TNFAIP2: variants seen among roughly 807,000 people sequenced by gnomAD.
The protein encoded by TNFAIP2 is TNF alpha induced protein 2, also known as tumor necrosis factor alpha-induced protein 2.
A neutral mutation model predicts 63.5 loss-of-function variants in TNFAIP2; 47 were observed. That is an observed-to-expected ratio of 0.74 (90% CI 0.59 to 0.94). TNFAIP2 has a LOEUF of 0.94. Among genes scored for constraint, TNFAIP2 ranks in the 40% least tolerant of loss-of-function variants. The pLI, the probability that TNFAIP2 is intolerant of heterozygous loss-of-function variation, is 0.00. For missense variants in TNFAIP2, 787 were observed against 850.2 expected, an observed-to-expected ratio of 0.93 and a Z score of 0.92; for synonymous variants, 405 against 390.2, an observed-to-expected ratio of 1.04 and a Z score of -0.45.
Position 103,130,113 on chromosome 14 carries a change from G to A in TNFAIP2, c.1087G>A (p.Asp363Asn), listed in dbSNP as rs748469895. The A allele has an allele frequency of 8.7e-6, 14 of 1,612,878 alleles. No individual in the cohort carries two copies. Among genetic ancestry groups the A allele is most frequent in the Admixed American group, 3.3e-5 (2 of 59,932 alleles). The change falls in exon 5 of 12, where the codon GAC (aspartate) becomes AAC (asparagine). Residue 363 changes from aspartate to asparagine, a missense_variant. Transcript: ENST00000560869. ...DGHCHSELAI[D>N]IIQITSQAQA... Reference sequence around the variant, plus strand: ...CCACTGCCACAGCGAGCTGGCCATCGACATCATCCAGGTACTGCAATCTGC... The same window carrying A: ...CCACTGCCACAGCGAGCTGGCCATCAACATCATCCAGGTACTGCAATCTGC...
chr14:103,132,592 T>A, intron 8 of TNFAIP2, 158 bp from the exon 9 acceptor site: 1 of 1,056,538 alleles, frequency 9.5e-7, no homozygotes. Flanking sequence ...AGCAGGGACC[T>A]GAGGTTGGCC....
At chr14:103,129,608 G>A (rs1239825872) in intron 3 of TNFAIP2, 132 bp from the exon 4 acceptor site, 13 of 710,260 alleles carry the variant, frequency 1.8e-5, no homozygotes, top group East Asian at 5.4e-5. Flanking sequence ...AATGGGGACC[G>A]GGTGGGGGTG....
rs1211741520 is a variant in TNFAIP2, at chr14:103,127,549, C to A, written c.780C>A (p.His260Gln). Reference protein sequence around the residue: ...AESYHQHFAAHLAAVAQFELC... With the variant: ...AESYHQHFAAQLAAVAQFELC... Reference sequence around the variant, plus strand: ...GCTACCACCAGCACTTCGCGGCCCACCTGGCCGCCGTGGCGCAGTTCGAGC... The same window carrying A: ...GCTACCACCAGCACTTCGCGGCCCAACTGGCCGCCGTGGCGCAGTTCGAGC... Residue 260 changes from histidine to glutamine, a missense_variant, in exon 3 of 12, where the codon CAC becomes CAA. His to Gln is a conservative substitution (Grantham distance 24). Transcript: ENST00000560869. This position sits in a 1 kb window ranked among gnomAD's most constrained non-coding sequence, Gnocchi z 5.1. The A allele has an allele frequency of 6.3e-7, 1 of 1,585,350 alleles. No homozygotes were observed.
At chr14:103,134,292 T>G (rs1231426877) in intron 11 of TNFAIP2, among the ~76,000 whole-genome samples, 1 of 152,216 alleles carries the variant, frequency 6.6e-6, no homozygotes, top group Non-Finnish European at 1.5e-5. Context: ...GAATGGGTCT[T>G]GACAGGGTTG....
intron 6 of TNFAIP2, among the ~76,000 whole-genome samples, 168 bp downstream of exon 6, chr14:103,130,583 G>A (rs2087952893): frequency 1.3e-5 from 2 of 152,304 alleles, no homozygotes; most frequent in Admixed American, 1.3e-4. Flanking sequence ...GAGAGCCTCA[G>A]GTGGTCTGAC....
Position 103,130,382 on chromosome 14 carries a change from T to C in TNFAIP2, c.1166T>C (p.Val389Ala), listed in dbSNP as rs971075944. ...GACTTGGGCTCACAGATAAAGCGGG[T>C]GCTGCTGGTGGAGCTGCCTGCGTTC... ...TLDLGSQIKR[V>A]LLVELPAFLR... is the part of the protein sequence containing the mutation. The change falls in exon 6 of 12, where the codon GTG becomes GCG. Residue 389 changes from valine (V) to alanine (A), a missense_variant. Physicochemically the swap from Val to Ala is moderately conservative, Grantham distance 64. Coordinates refer to ENST00000560869, the MANE Select transcript of TNFAIP2 (RefSeq NM_006291.4). 9 of 1,568,250 alleles carry C rather than the reference T, an allele frequency of 5.7e-6. No homozygotes were observed. The highest frequency in any genetic ancestry group is 7.8e-6 in the Non-Finnish European group (9 of 1,156,308).
At chr14:103,122,532 G>C, upstream of TNFAIP2, 1 of 391,138 alleles carries the variant, frequency 2.6e-6, no homozygotes, top group South Asian at 1.8e-5. Flanking sequence ...GGAAGGAAGT[G>C]AATCTCCAGT....
chr14:103,130,006 A>C lies in TNFAIP2; in HGVS notation c.980A>C (p.Asn327Thr), dbSNP rs772796534. 1.9e-6 allele frequency: 3 copies of C among 1,611,916 alleles called. No homozygotes were observed. Among genetic ancestry groups the C allele is most frequent in the East Asian group, 2.2e-5 (1 of 44,872 alleles). ...EATFLSSEAA[N>T]VRELMDRALE... is the part of the protein sequence containing the mutation. ...GACCTGCCCCTCCTCCTCCAGGCCAATGTGAGGGAGTTGATGGACCGAGCT... is the reference window on the plus strand; with the variant it reads ...GACCTGCCCCTCCTCCTCCAGGCCACTGTGAGGGAGTTGATGGACCGAGCT... Residue 327 changes from asparagine (N) to threonine (T), a missense_variant, in exon 5 of 12, where the codon AAT becomes ACT. Coordinates refer to ENST00000560869, the MANE Select transcript of TNFAIP2 (RefSeq NM_006291.4).
rs113283678 is a variant in TNFAIP2 at position 103,130,278 on chromosome 14, C to T, written c.1099-37C>T. 138 of 1,537,010 alleles carry T rather than the reference C, an allele frequency of 9.0e-5. 2 individuals carry two copies. The highest frequency in any genetic ancestry group is 6.2e-4 in the African/African-American group (45 of 73,134). On this transcript the variant is annotated intron_variant, in intron 5 of 11. Coordinates refer to ENST00000560869, the MANE Select transcript of TNFAIP2 (RefSeq NM_006291.4). ...CCCGTCCCCTGCCCCCTTGTCCAGG[C>T]GAGCCCCTGCTCAGCTCACCCACCA...
intron 9 of TNFAIP2, 98 bp downstream of exon 9, chr14:103,132,970 A>T: frequency 6.5e-7 from 1 of 1,534,696 alleles, no homozygotes; most frequent in Non-Finnish European, 8.9e-7. Flanking sequence ...ACATGTGCTC[A>T]CACGCGCACA....
At position 103,131,032 on chromosome 14, in the gene TNFAIP2, G is replaced by A. The variant is rs576713527; in HGVS notation, c.1200-20G>A. 1 of 1,613,420 alleles carries A rather than the reference G, an allele frequency of 6.2e-7. No individual in the cohort carries two copies. Among genetic ancestry groups the A allele is most frequent in the South Asian group, 1.1e-5 (1 of 91,074 alleles). ...CAGTGTTTGGGCTGGTCCTGAATGTGCCCCTTCTGGTTTCGCCAGCTACCA... is the reference window on the plus strand; with the variant it reads ...CAGTGTTTGGGCTGGTCCTGAATGTACCCCTTCTGGTTTCGCCAGCTACCA... On this transcript the variant is annotated intron_variant, in intron 6 of 11. Transcript: ENST00000560869. The surrounding 1 kb of genome is among the most constrained non-coding windows in gnomAD (Gnocchi z 4.0).
Position 103,135,618 on chromosome 14 carries a change from G to C in TNFAIP2, c.*258G>C. The C allele has an allele frequency of 1.5e-6, 2 of 1,370,264 alleles. No individual in the cohort carries two copies. The highest frequency in any genetic ancestry group is 1.9e-6 in the Non-Finnish European group (2 of 1,059,182). 84.9% of individuals were successfully genotyped at this position (1,370,264 alleles called of 1,614,324 possible). ...GCAACACCAAGGACTCTTTGTAAACGATAGCTGATCGTGTGCACGCAAGGA... is the reference window on the plus strand; with the variant it reads ...GCAACACCAAGGACTCTTTGTAAACCATAGCTGATCGTGTGCACGCAAGGA... On this transcript the variant is annotated 3_prime_UTR_variant, in exon 12 of 12. Transcript: ENST00000560869. The surrounding 1 kb of genome is among the most constrained non-coding windows in gnomAD (Gnocchi z 7.6).
At chr14:103,134,848 A>T (rs2088063077) in intron 11 of TNFAIP2, among the ~76,000 whole-genome samples, 1 of 152,230 alleles carries the variant, frequency 6.6e-6, no homozygotes, top group Non-Finnish European at 1.5e-5. Flanking sequence ...AGGCAAAGAA[A>T]CAGACAATTA....
chr14:103,121,658 A>G (rs1233683948), upstream of TNFAIP2, among the ~76,000 whole-genome samples: 1 of 152,204 alleles, frequency 6.6e-6, no homozygotes, highest in Non-Finnish European at 1.5e-5. Flanking sequence ...TGGTGCAGAC[A>G]CAAGTCCAAG....
chr14:103,125,347 C>T (rs904079113), intron 1 of TNFAIP2, among the ~76,000 whole-genome samples: 2 of 152,146 alleles, frequency 1.3e-5, no homozygotes, highest in Admixed American at 1.3e-4. Context: ...CGGGTCTTGC[C>T]TCTCTGGATG....
Position 103,135,210 on chromosome 14 carries a change from CTT to C in TNFAIP2, c.1824-7_1824-6del. The C allele has an allele frequency of 6.2e-7, 1 of 1,613,746 alleles. No homozygotes were observed. Among genetic ancestry groups the C allele is most frequent in the Non-Finnish European group, 8.5e-7 (1 of 1,180,004 alleles). ...ACAGGCTGGGCTGACAGGATGCTCT[CTT>C]TGCCAGCAAAGGCCACCTGAGCGCT... On this transcript the variant is annotated splice_region_variant and splice_polypyrimidine_tract_variant and intron_variant, in intron 11 of 11. Transcript: ENST00000560869. This position sits in a 1 kb window ranked among gnomAD's most constrained non-coding sequence, Gnocchi z 7.6.
chr14:103,130,096 A>C lies in TNFAIP2; in HGVS notation c.1070A>C (p.His357Pro), dbSNP rs1595281530. 3.1e-6 allele frequency: 5 copies of C among 1,613,440 alleles called. No individual in the cohort carries two copies. The highest frequency in any genetic ancestry group is 4.2e-6 in the Non-Finnish European group (5 of 1,179,846). Residue 357 changes from histidine (H) to proline (P), a missense_variant, in exon 5 of 12, where the codon CAC becomes CCC. Physicochemically the swap from His to Pro is moderately conservative, Grantham distance 77. Coordinates refer to ENST00000560869, the MANE Select transcript of TNFAIP2 (RefSeq NM_006291.4). Reference protein sequence around the residue: ...VPPQRLDGHCHSELAIDIIQI... With the variant: ...VPPQRLDGHCPSELAIDIIQI... The stretch of plus-strand genomic sequence containing the variant: ...CCCCAGAGGCTGGACGGCCACTGCC[A>C]CAGCGAGCTGGCCATCGACATCATC...
chr14:103,122,998 C>T, upstream of TNFAIP2: 1 of 350,182 alleles, frequency 2.9e-6, no homozygotes, highest in South Asian at 2.1e-5. Context: ...AGCCCCCGTC[C>T]CCTGCCTCCT....
At chr14:103,130,906 T>G in intron 6 of TNFAIP2, 146 bp from the exon 7 acceptor site, 1 of 742,850 alleles carries the variant, frequency 1.3e-6, no homozygotes, top group Non-Finnish European at 2.2e-6. Context: ...AGTTCCATGA[T>G]GCCCAGGGGC....
Sources: allele counts gnomAD v4.1 joint callset (sites outside exome capture counted in the v4.1 genomes callset), GRCh38; gene constraint gnomAD v4.1.1; non-coding constraint Gnocchi (gnomAD v3.1); transcripts MANE v1.5; gene names NCBI Gene and HGNC (gene_info 2026-07-23, HGNC 2026-07-21).